The following CLDN25 variants were observed in gnomAD, a reference collection of about 807,000 sequenced individuals.
CLDN25 encodes claudin 25, also known as claudin-25.
For missense variants in CLDN25, 286 were observed against 279.7 expected (o/e 1.02, Z -0.16); for synonymous variants, 117 against 112.7 (o/e 1.04, Z -0.24).
rs773970022 is a variant in CLDN25 at position 113,780,211 on chromosome 11, G to C, written c.416G>C (p.Trp139Ser). The C allele has an allele frequency of 2.5e-6, 4 of 1,613,886 alleles. No homozygotes were observed. The Admixed American group carries it at 6.7e-5, about 27-fold the overall frequency. The change falls in exon 1 of 1, where the codon TGG becomes TCG. Residue 139 changes from tryptophan to serine, a missense_variant. By Grantham distance (177) the Trp-to-Ser change is radical (BLOSUM62 -3). Coordinates refer to ENST00000453129, the Ensembl canonical transcript of CLDN25. ...GCCACTACCCTCCTTCCAGTCTCCT[G>C]GGTGGCCCATGCCACAATCCAAGAC...
exon 1 of CLDN25, chr11:113,780,475 T>C: frequency 1.2e-6 from 2 of 1,610,408 alleles, no homozygotes; most frequent in Non-Finnish European, 1.7e-6. Flanking sequence ...CCTAGGAACC[T>C]GGTCATCTAG....
rs773559827 is a variant in CLDN25, at chr11:113,780,459, C to CTA, written c.665_666dup (p.Arg223Ter). 5 of 1,613,266 alleles carry CTA rather than the reference C, an allele frequency of 3.1e-6. No homozygotes were observed. The highest frequency in any genetic ancestry group is 4.2e-6 in the Non-Finnish European group (5 of 1,179,404). The stretch of plus-strand genomic sequence containing the variant: ...GTCAGATGGCTCCTTCCACCTCATG[C>CTA]TAAGACCTAGGAACCTGGTCATCTA... On this transcript the variant is annotated frameshift_variant, in exon 1 of 1. Transcript: ENST00000453129. LOFTEE classifies it high-confidence loss of function.
chr11:113,780,066 G>A (rs1378516320), exon 1 of CLDN25: 2 of 1,613,902 alleles, frequency 1.2e-6, no homozygotes, highest in Non-Finnish European at 1.7e-6. Flanking sequence ...CCATGGGCTG[G>A]GCCTATTGGG....
chr11:113,780,007 T>C, exon 1 of CLDN25: 1 of 1,614,010 alleles, frequency 6.2e-7, no homozygotes, highest in Non-Finnish European at 8.5e-7. Flanking sequence ...GAATCCTTCT[T>C]GTCTCTGCCC....
At chr11:113,780,119 C>T (rs1243228469) in exon 1 of CLDN25, 1 of 1,614,012 alleles carries the variant, frequency 6.2e-7, no homozygotes, top group Non-Finnish European at 8.5e-7. Context: ...TCCAGTTTCA[C>T]AGGATCAGAT....
exon 1 of CLDN25, chr11:113,780,205 T>C (rs770638676): frequency 2.5e-6 from 4 of 1,613,698 alleles, no homozygotes; most frequent in African/African-American, 1.3e-5. Flanking sequence ...CTCCTTCCAG[T>C]CTCCTGGGTG....
exon 1 of CLDN25, chr11:113,779,822 C>G (rs1286726231): frequency 1.2e-6 from 2 of 1,612,550 alleles, no homozygotes; most frequent in Non-Finnish European, 1.7e-6. Context: ...GTGCAAAAGT[C>G]CAGCTCGGGG....
chr11:113,780,390 A>G, exon 1 of CLDN25: 3 of 1,613,706 alleles, frequency 1.9e-6, no homozygotes, highest in Non-Finnish European at 2.5e-6. Flanking sequence ...TTTTCCTTTG[A>G]TGGCTGGTCC....
chr11:113,780,239 C>A (rs760672655), exon 1 of CLDN25: 2 of 1,613,932 alleles, frequency 1.2e-6, no homozygotes, highest in African/African-American at 1.3e-5. Flanking sequence ...TCCAAGACTT[C>A]TGGGATGACA....
At position 113,780,169 on chromosome 11, in the gene CLDN25, T is replaced by G. The variant is rs779232461; in HGVS notation, c.374T>G (p.Leu125Trp). 9.3e-6 allele frequency: 15 copies of G among 1,614,012 alleles called. No homozygotes were observed. In the East Asian group the frequency reaches 3.3e-4, roughly 36 times the overall value. Reference sequence around the variant, plus strand: ...CGGCTTGGTCTCCTGGGAAGGACTTTGGAGGCATCCGCTTCAGCCACTACC... The same window carrying G: ...CGGCTTGGTCTCCTGGGAAGGACTTGGGAGGCATCCGCTTCAGCCACTACC... Residue 125 changes from leucine to tryptophan, a missense_variant, in exon 1 of 1, where the codon TTG becomes TGG. Leu to Trp is a moderately conservative substitution (Grantham distance 61, BLOSUM62 -2). Transcript: ENST00000453129.
exon 1 of CLDN25, chr11:113,779,929 C>T (rs1374339626): frequency 6.2e-7 from 1 of 1,613,710 alleles, no homozygotes; most frequent in East Asian, 2.2e-5. Context: ...GAGATGGAGA[C>T]CTGGATCATG....
exon 1 of CLDN25, chr11:113,779,833 G>T (rs778582555): frequency 1.2e-6 from 2 of 1,613,518 alleles, no homozygotes; most frequent in East Asian, 4.5e-5. Flanking sequence ...CAGCTCGGGG[G>T]GCTACTTCTC....
rs1468594263 is a variant in CLDN25, at chr11:113,780,029, G to C, written c.234G>C (p.Gln78His). Residue 78 changes from glutamine (Q) to histidine (H), a missense_variant, in exon 1 of 1, where the codon CAG (glutamine) becomes CAC (histidine). Gln to His is a conservative substitution (Grantham distance 24, BLOSUM62 0). Transcript: ENST00000453129. ...TCTTGTCTCTGCCCCAGGAGCTCCA[G>C]GTAGCCCGCATCCTCATGGTAGCCT... The C allele has an allele frequency of 1.9e-6, 3 of 1,613,928 alleles. No individual in the cohort carries two copies. In the African/African-American group the frequency reaches 4.0e-5, roughly 22 times the overall value.
At chr11:113,779,953 T>G (rs907346246) in exon 1 of CLDN25, 1 of 1,613,798 alleles carries the variant, frequency 6.2e-7, no homozygotes, top group Admixed American at 1.7e-5. Context: ...ATTTGGGAGG[T>G]CTGCGTGGAT....
exon 1 of CLDN25, chr11:113,780,021 G>C: frequency 6.2e-7 from 1 of 1,614,030 alleles, no homozygotes; most frequent in Non-Finnish European, 8.5e-7. Context: ...TCTGCCCCAG[G>C]AGCTCCAGGT....
chr11:113,779,854 G>A (rs373997049), exon 1 of CLDN25: 1 of 1,613,896 alleles, frequency 6.2e-7, no homozygotes, highest in Admixed American at 1.7e-5. Flanking sequence ...TCCCTCCTTG[G>A]CTGGGTCTGC....
chr11:113,780,424 C>T, exon 1 of CLDN25: 1 of 1,613,892 alleles, frequency 6.2e-7, no homozygotes, highest in Non-Finnish European at 8.5e-7. Flanking sequence ...TCCTGTGCTC[C>T]AGTGGAGGAG....
At chr11:113,779,849 C>T (rs1226628907) in exon 1 of CLDN25, 2 of 1,613,966 alleles carry the variant, frequency 1.2e-6, no homozygotes, top group Non-Finnish European at 1.7e-6. Context: ...TTCTCTCCCT[C>T]CTTGGCTGGG....
At chr11:113,780,452 C>A (rs1937809719) in exon 1 of CLDN25, 1 of 1,613,688 alleles carries the variant, frequency 6.2e-7, no homozygotes, top group Non-Finnish European at 8.5e-7. Flanking sequence ...GCTCCTTCCA[C>A]CTCATGCTAA....
Sources: allele counts gnomAD v4.1 joint callset, GRCh38; gene constraint gnomAD v4.1.1; transcripts MANE v1.5; gene names NCBI Gene and HGNC (gene_info 2026-07-23, HGNC 2026-07-21).